INO80: variants seen among roughly 807,000 people sequenced by gnomAD.
INO80 encodes the protein INO80 complex ATPase subunit, also known as chromatin-remodeling ATPase INO80.
A neutral mutation model predicts 203.4 loss-of-function variants in INO80; 20 were observed. The observed-to-expected ratio is 0.10, with a 90% CI of 0.07 to 0.14. The LOEUF is 0.14. Ranked by LOEUF, INO80 falls within the 10% of genes least tolerant of loss-of-function variation. The probability of loss-of-function intolerance (pLI) is 1.00; values close to 1 mark genes in which losing one functional copy is unlikely to be tolerated. For missense variants in INO80, 1,419 were observed against 1,914.4 expected (o/e 0.74, Z 4.83); for synonymous variants, 726 against 685.2 (o/e 1.06, Z -0.93).
At chr15:41,031,637 G>A (rs1381580296) in intron 24 of INO80, among the ~76,000 whole-genome samples, 6 of 124,984 alleles carry the variant, frequency 4.8e-5, no homozygotes, top group Admixed American at 7.9e-5. Context: ...AGGAAGGGAG[G>A]AAGGGAGGAA....
chr15:41,078,257 G>C (rs903947287), intron 9 of INO80, among the ~76,000 whole-genome samples: 5 of 152,104 alleles, frequency 3.3e-5, no homozygotes, highest in Non-Finnish European at 7.3e-5. Context: ...GAACGAAGTA[G>C]ATTAAGAAAA....
At chr15:41,070,140 C>G (rs989920901) in intron 13 of INO80, among the ~76,000 whole-genome samples, 1 of 152,104 alleles carries the variant, frequency 6.6e-6, no homozygotes, top group Non-Finnish European at 1.5e-5. Context: ...GCTAAATTGC[C>G]CAAGTTTACA....
intron 5 of INO80, among the ~76,000 whole-genome samples, chr15:41,089,700 G>A (rs1241500351): frequency 6.6e-6 from 1 of 150,906 alleles, no homozygotes; most frequent in African/African-American, 2.4e-5. Flanking sequence ...CCGAGATCAC[G>A]CCATTGCACT....
At chr15:41,102,883 G>A (rs1027702798) in intron 1 of INO80, among the ~76,000 whole-genome samples, 2 of 152,084 alleles carry the variant, frequency 1.3e-5, no homozygotes, top group African/African-American at 4.8e-5. Context: ...TATTCTAAAT[G>A]CGGAGTACAC....
intron 24 of INO80, among the ~76,000 whole-genome samples, chr15:41,042,432 C>G (rs2044683785): frequency 6.6e-6 from 1 of 151,858 alleles, no homozygotes; most frequent in Admixed American, 6.6e-5. Flanking sequence ...GATTACAGGC[C>G]CAAGCCAACA....
chr15:41,068,740 A>C (rs1004996768), intron 14 of INO80, among the ~76,000 whole-genome samples: 1 of 152,078 alleles, frequency 6.6e-6, no homozygotes, highest in African/African-American at 2.4e-5. Context: ...GACACCTGTA[A>C]TCCCAGTTAC....
At chr15:41,051,125 T>A (rs2044861913) in intron 19 of INO80, among the ~76,000 whole-genome samples, 1 of 38,930 alleles carries the variant, frequency 2.6e-5, no homozygotes, top group African/African-American at 3.1e-4. Context: ...TGAGACTCCA[T>A]CTCAAAAAAA....
At chr15:41,080,001 A>G (rs1391120589) in intron 8 of INO80, 97 bp from the exon 9 acceptor site, 3 of 1,046,578 alleles carry the variant, frequency 2.9e-6, no homozygotes, top group Non-Finnish European at 4.4e-6. Context: ...CTGTTCAGCC[A>G]AACTGTCATC....
In INO80 at chr15:40,980,289, G is replaced by A; in HGVS notation, c.4605C>T (p.Ser1535=). The part of the protein sequence containing the change: ...PGNPKNLHMT[S]SLAPDSLVRK... ...GGACCAGAGAGTCTGGGGCTAGGCT[G>A]CTGGTCATGTGGAGGTTCTTGGGAT... is the stretch of plus-strand genomic sequence containing the variant. Residue 1535 remains serine (S), a synonymous_variant, in exon 36 of 36, where the codon AGC becomes AGT. Coordinates refer to ENST00000648947, the MANE Select transcript of INO80 (RefSeq NM_017553.3). 2 of 1,613,784 alleles carry A rather than the reference G, an allele frequency of 1.2e-6. No individual in the cohort carries two copies. Among genetic ancestry groups the A allele is most frequent in the Non-Finnish European group, 1.7e-6 (2 of 1,180,022 alleles).
At chr15:41,056,849 CATT>C in intron 16 of INO80, 143 bp from the exon 17 acceptor site, 1 of 635,856 alleles carries the variant, frequency 1.6e-6, no homozygotes, top group Non-Finnish European at 2.8e-6. Flanking sequence ...AACTGAAAAA[CATT>C]ATTCAACAAA....
intron 32 of INO80, 66 bp downstream of exon 32, chr15:40,985,272 C>G (rs894057300): frequency 8.7e-6 from 10 of 1,154,360 alleles, no homozygotes; most frequent in Middle Eastern, 2.2e-4. Context: ...CCATGTACCC[C>G]AAAGCCTTTT....
chr15:41,032,355 C>T (rs189567156), intron 24 of INO80, among the ~76,000 whole-genome samples: 3 of 152,122 alleles, frequency 2.0e-5, no homozygotes, highest in Admixed American at 6.5e-5. Flanking sequence ...TTAGATTATA[C>T]GGATTATATT....
chr15:41,110,239 G>C lies in INO80; in HGVS notation c.-44+5734C>G, dbSNP rs573243633. 1.2e-4 allele frequency among the ~76,000 whole-genome samples: 18 copies of C among 150,242 alleles called. No individual in the cohort carries two copies. The South Asian group carries it at 3.8e-3, about 32-fold the overall frequency. ...GGCTCACTGCAACCTCTACCTCCAG[G>C]GTTCAAGCTATTCTACTGCCTCAGC... On this transcript the variant is annotated intron_variant, in intron 1 of 35. Transcript: ENST00000648947.
At chr15:41,104,206 C>CAA (rs35510472) in intron 1 of INO80, among the ~76,000 whole-genome samples, 217 of 38,874 alleles carry the variant, frequency 5.6e-3, no homozygotes, top group Non-Finnish European at 0.011. Context: ...AACTCCATCT[C>CAA]AAAAAAAAAA....
chr15:41,020,122 G>A (rs2044268194), intron 26 of INO80, among the ~76,000 whole-genome samples: 1 of 152,102 alleles, frequency 6.6e-6, no homozygotes, highest in Non-Finnish European at 1.5e-5. Flanking sequence ...TTGGAAGGCT[G>A]AGGCAGGAGA....
At position 41,047,701 on chromosome 15, in the gene INO80, C is replaced by T. The variant is rs144046142; in HGVS notation, c.2642-200G>A. 2.7e-3 allele frequency among the ~76,000 whole-genome samples: 407 copies of T among 152,188 alleles called. 3 individuals carry two copies. Among genetic ancestry groups the T allele is most frequent in the South Asian group, 0.013 (61 of 4,822 alleles). The stretch of plus-strand genomic sequence containing the variant: ...AGAGAGGCAGGCCTATGAGATATGG[C>T]ATATATATATGGACCAGACTAGAGA... On this transcript the variant is annotated intron_variant, in intron 22 of 35. Coordinates refer to ENST00000648947, the MANE Select transcript of INO80 (RefSeq NM_017553.3).
chr15:41,013,069 C>T (rs1032506145), intron 27 of INO80: 2 of 66,316 alleles, frequency 3.0e-5, no homozygotes, highest in Non-Finnish European at 6.6e-5. Flanking sequence ...ATGGCTAAGG[C>T]ACATAACAAC....
intron 19 of INO80, among the ~76,000 whole-genome samples, chr15:41,051,756 C>A (rs911124634): frequency 7.9e-5 from 12 of 152,038 alleles, no homozygotes; most frequent in Admixed American, 5.2e-4. Context: ...AGATCGAGAC[C>A]ATCCTGGCCA....
At chr15:41,083,708 G>A (rs981248841) in intron 7 of INO80, among the ~76,000 whole-genome samples, 19 of 110,780 alleles carry the variant, frequency 1.7e-4, no homozygotes, top group African/African-American at 3.3e-4. Flanking sequence ...ACGAGACTCC[G>A]TCTCAAAAAA....
Sources: allele counts gnomAD v4.1 joint callset (sites outside exome capture counted in the v4.1 genomes callset), GRCh38; gene constraint gnomAD v4.1.1; transcripts MANE v1.5; gene names NCBI Gene and HGNC (gene_info 2026-07-23, HGNC 2026-07-21).